Variants in NKAIN2 observed in about 807,000 individuals in gnomAD.
NKAIN2 encodes sodium/potassium transporting ATPase interacting 2.
A neutral mutation model predicts 32.6 loss-of-function variants in NKAIN2; 14 were observed. That is an observed-to-expected ratio of 0.43 (90% CI 0.28 to 0.67). The LOEUF is 0.67. Among genes scored for constraint, NKAIN2 ranks in the 30% least tolerant of loss-of-function variants. The probability of loss-of-function intolerance (pLI) is 0.17; values close to 1 mark genes in which losing one functional copy is unlikely to be tolerated. For synonymous variants in NKAIN2, 80 were observed against 87.2 expected (o/e 0.92, Z 0.46); for missense variants, 198 against 258.3 (o/e 0.77, Z 1.60).
At chr6:124,172,670 A>G (rs541992863) in intron 1 of NKAIN2, among the ~76,000 whole-genome samples, 2 of 152,274 alleles carry the variant, frequency 1.3e-5, no homozygotes, top group East Asian at 3.9e-4. Flanking sequence ...AATCTGTATA[A>G]ACTTATGGAA....
At chr6:124,271,156 G>A (rs1355652730) in intron 1 of NKAIN2, among the ~76,000 whole-genome samples, 1 of 151,932 alleles carries the variant, frequency 6.6e-6, no homozygotes, top group East Asian at 1.9e-4. Context: ...TTCCCCTTCT[G>A]CCATGATTGT....
chr6:124,362,523 C>G (rs898181916), intron 3 of NKAIN2, among the ~76,000 whole-genome samples: 1 of 151,952 alleles, frequency 6.6e-6, no homozygotes, highest in African/African-American at 2.4e-5. Context: ...GTTCATGAAC[C>G]TTTCTTATTC....
At chr6:124,243,356 A>G (rs530467951) in intron 1 of NKAIN2, among the ~76,000 whole-genome samples, 1 of 151,952 alleles carries the variant, frequency 6.6e-6, no homozygotes, top group Non-Finnish European at 1.5e-5. Context: ...TTAGCTGAGC[A>G]TAGTAGCACA....
At chr6:124,755,514 G>A (rs1031833972) in intron 4 of NKAIN2, among the ~76,000 whole-genome samples, 9 of 152,152 alleles carry the variant, frequency 5.9e-5, no homozygotes, top group Non-Finnish European at 1.2e-4. Context: ...CATGTACCAT[G>A]GAATACTATG....
At chr6:124,218,270 C>T (rs1224960686) in intron 1 of NKAIN2, among the ~76,000 whole-genome samples, 2 of 151,872 alleles carry the variant, frequency 1.3e-5, no homozygotes, top group African/African-American at 2.4e-5. Flanking sequence ...CTTGTTTTGG[C>T]GCGTGCGTGG....
At chr6:124,776,310 G>A (rs1234680757) in intron 4 of NKAIN2, among the ~76,000 whole-genome samples, 3 of 152,138 alleles carry the variant, frequency 2.0e-5, no homozygotes, top group African/African-American at 4.8e-5. Flanking sequence ...CTTGCTGACA[G>A]TACCATGCTT....
At position 124,674,165 on chromosome 6, in the gene NKAIN2, G is replaced by A. The variant is rs185364203; in HGVS notation, c.474+15779G>A. 2.2e-3 allele frequency among the ~76,000 whole-genome samples: 342 copies of A among 152,004 alleles called. 4 individuals carry two copies. The highest frequency in any genetic ancestry group is 7.9e-3 in the African/African-American group (326 of 41,518). Reference sequence around the variant, plus strand: ...TGTCAAAAATCATTTGACTGTATATGCATAGGCTTCTTTGGCTTATTTTGG... The same window carrying A: ...TGTCAAAAATCATTTGACTGTATATACATAGGCTTCTTTGGCTTATTTTGG... On this transcript the variant is annotated intron_variant, in intron 4 of 6. Transcript: ENST00000368417.
chr6:123,958,176 C>G (rs1189520282), intron 1 of NKAIN2, among the ~76,000 whole-genome samples: 1 of 151,964 alleles, frequency 6.6e-6, no homozygotes, highest in Non-Finnish European at 1.5e-5. Context: ...AGGAAGGTAT[C>G]TTTAGGCCCT....
chr6:123,999,326 A>G (rs933266233), intron 1 of NKAIN2, among the ~76,000 whole-genome samples: 1 of 152,154 alleles, frequency 6.6e-6, no homozygotes, highest in Admixed American at 6.5e-5. Context: ...GGTACACTAT[A>G]AGGTCAGTGT....
At chr6:124,681,542 A>G (rs1295930246) in intron 4 of NKAIN2, among the ~76,000 whole-genome samples, 1 of 152,092 alleles carries the variant, frequency 6.6e-6, no homozygotes, top group Non-Finnish European at 1.5e-5. Context: ...TCAGATAAAT[A>G]TCTTTGTACC....
At chr6:123,816,814 T>C (rs1488603243) in intron 1 of NKAIN2, among the ~76,000 whole-genome samples, 1 of 152,162 alleles carries the variant, frequency 6.6e-6, no homozygotes, top group Non-Finnish European at 1.5e-5. Context: ...GTCTAGATCT[T>C]GAAGAGGAAC....
chr6:124,014,692 A>G (rs1780485219), intron 1 of NKAIN2, among the ~76,000 whole-genome samples: 1 of 152,090 alleles, frequency 6.6e-6, no homozygotes, highest in Non-Finnish European at 1.5e-5. Flanking sequence ...AAAGATAAGT[A>G]TAAATAATAA....
chr6:123,955,196 CAAA>C (rs5879708), intron 1 of NKAIN2, among the ~76,000 whole-genome samples: 6,967 of 105,036 alleles, frequency 0.066, 523 homozygotes, highest in African/African-American at 0.2. Context: ...ACAGAAAAAC[CAAA>C]AAAAAAAAAA....
chr6:124,207,044 A>G (rs1790929892), intron 1 of NKAIN2, among the ~76,000 whole-genome samples: 1 of 151,392 alleles, frequency 6.6e-6, no homozygotes, highest in African/African-American at 2.4e-5. Flanking sequence ...TTATGTATAT[A>G]ATTATATATT....
At chr6:124,820,490 A>G (rs1781349710) in intron 6 of NKAIN2, among the ~76,000 whole-genome samples, 1 of 152,240 alleles carries the variant, frequency 6.6e-6, no homozygotes, top group South Asian at 2.1e-4. Flanking sequence ...CTTAATAAAC[A>G]TAATTCATTA....
In NKAIN2 at chr6:124,687,166, C is replaced by CTA. The variant is rs965970419; in HGVS notation, c.474+28788_474+28789dup. On this transcript the variant is annotated intron_variant, in intron 4 of 6. Coordinates refer to ENST00000368417, the MANE Select transcript of NKAIN2 (RefSeq NM_001040214.3). ...TATATATATGGAATATAAATATTCT[C>CTA]TATATATATTCCATATACATATATA... is the stretch of plus-strand genomic sequence containing the variant. Among the ~76,000 whole-genome samples the CTA allele has an allele frequency of 8.2e-5, 12 of 146,344 alleles. No homozygotes were observed. The East Asian group carries it at 2.0e-3, about 25-fold the overall frequency.
At position 124,822,557 on chromosome 6, in the gene NKAIN2, GTTTC is replaced by G. The variant is rs537705096; in HGVS notation, c.618-662_618-659del. Among the ~76,000 whole-genome samples, 175 of 152,286 alleles carry G rather than the reference GTTTC, an allele frequency of 1.1e-3. 4 individuals are homozygous for G. Among genetic ancestry groups the G allele is most frequent in the Admixed American group, 0.011 (171 of 15,292 alleles). On this transcript the variant is annotated intron_variant, in intron 6 of 6. Transcript: ENST00000368417. ...GTAACTGACCTACAGTCACAGCTGT[GTTTC>G]AGTTCCTGCAAACAATGAATAGACA...
intron 5 of NKAIN2, among the ~76,000 whole-genome samples, chr6:124,811,265 C>T (rs1780894772): frequency 6.6e-6 from 1 of 152,092 alleles, no homozygotes; most frequent in Non-Finnish European, 1.5e-5. Context: ...TATGAACTGC[C>T]TGTTAAATTT....
chr6:124,355,821 T>C (rs558470340), intron 3 of NKAIN2, among the ~76,000 whole-genome samples: 21 of 152,334 alleles, frequency 1.4e-4, no homozygotes, highest in Admixed American at 1.1e-3. Context: ...AATCAACCCT[T>C]TATTCTAAAT....
Sources: gnomAD v4.1 joint callset for allele counts (sites outside exome capture counted in the v4.1 genomes callset) on GRCh38, gnomAD v4.1.1 for gene constraint, MANE v1.5 for transcripts, NCBI Gene and HGNC (gene_info 2026-07-23, HGNC 2026-07-21) for gene names.